The following PRIM2 variants were observed in gnomAD, a reference collection of about 807,000 sequenced individuals.
PRIM2 encodes the protein DNA primase subunit 2, also known as DNA primase large subunit.
In PRIM2, 39 loss-of-function variants were observed where a neutral mutation model predicts 67.3. That is an observed-to-expected ratio of 0.58 (90% CI 0.45 to 0.76). The LOEUF is 0.76. Among genes scored for constraint, PRIM2 ranks in the 30% least tolerant of loss-of-function variants. The pLI is 0.00. For missense variants in PRIM2, 398 were observed against 598.7 expected, an observed-to-expected ratio of 0.66 and a Z score of 3.50; for synonymous variants, 143 against 198.7, an observed-to-expected ratio of 0.72 and a Z score of 2.36.
intron 10 of PRIM2, among the ~76,000 whole-genome samples, chr6:57,564,150 C>CT (rs1775692490): frequency 6.6e-6 from 1 of 152,284 alleles, no homozygotes; most frequent in Middle Eastern, 3.4e-3. Context: ...TTCATGTCTC[C>CT]TTTTCCCTCT....
At chr6:57,278,496 C>T in the PRIM2 span, among the ~76,000 whole-genome samples, 1 of 152,152 alleles carries the variant, frequency 6.6e-6, no homozygotes, top group South Asian at 2.1e-4. Flanking sequence ...TTTTAAATAA[C>T]ACACTATTCT....
At chr6:57,293,546 T>G in the PRIM2 span, among the ~76,000 whole-genome samples, 1 of 152,222 alleles carries the variant, frequency 6.6e-6, no homozygotes, top group Non-Finnish European at 1.5e-5. Flanking sequence ...TGTATATTTA[T>G]TGTGGCACTA....
At chr6:57,353,066 A>G (rs1449597737) in intron 5 of PRIM2, among the ~76,000 whole-genome samples, 2 of 150,236 alleles carry the variant, frequency 1.3e-5, no homozygotes, top group Non-Finnish European at 2.9e-5. Context: ...TATGTGTCAT[A>G]TCCCTTCAAA....
intron 5 of PRIM2, among the ~76,000 whole-genome samples, chr6:57,339,982 T>A (rs1388113426): frequency 2.0e-5 from 3 of 151,162 alleles, no homozygotes; most frequent in African/African-American, 7.3e-5. Flanking sequence ...ATATCCAGAA[T>A]CTACAATGAA....
the PRIM2 span, among the ~76,000 whole-genome samples, chr6:57,230,108 C>T: frequency 6.6e-6 from 1 of 152,208 alleles, no homozygotes; most frequent in Admixed American, 6.5e-5. Flanking sequence ...AGCATAAATT[C>T]AGAAAACATG....
the PRIM2 span, among the ~76,000 whole-genome samples, chr6:57,228,202 A>AT: frequency 1.3e-5 from 2 of 152,160 alleles, no homozygotes; most frequent in African/African-American, 4.8e-5. Context: ...CTTAATGCTG[A>AT]TTTTTTCAGT....
chr6:57,520,793 T>C (rs1774598808), intron 8 of PRIM2, among the ~76,000 whole-genome samples: 1 of 152,144 alleles, frequency 6.6e-6, no homozygotes, highest in African/African-American at 2.4e-5. Flanking sequence ...TGGTTATAAC[T>C]TGGAATAAAT....
chr6:57,534,038 A>C (rs1774946482), intron 9 of PRIM2, among the ~76,000 whole-genome samples: 1 of 152,170 alleles, frequency 6.6e-6, no homozygotes. Flanking sequence ...TCACAACAGC[A>C]TGTCATTTGC....
chr6:57,550,960 C>G (rs1309181527), intron 10 of PRIM2, among the ~76,000 whole-genome samples: 4 of 152,136 alleles, frequency 2.6e-5, no homozygotes, highest in Non-Finnish European at 5.9e-5. Context: ...AAGTGTGGGG[C>G]AAGTATATTC....
chr6:57,501,239 T>C (rs1249789150), intron 7 of PRIM2, among the ~76,000 whole-genome samples: 3 of 152,238 alleles, frequency 2.0e-5, no homozygotes, highest in Non-Finnish European at 4.4e-5. Context: ...TGAAAAGATA[T>C]GACATCCAGA....
chr6:57,405,992 A>C (rs111859512), intron 7 of PRIM2, among the ~76,000 whole-genome samples: 2 of 152,222 alleles, frequency 1.3e-5, no homozygotes, highest in Non-Finnish European at 2.9e-5. Flanking sequence ...CAGTCATCAT[A>C]TGTGTGGTCA....
chr6:57,380,110 C>T (rs1182078920), intron 6 of PRIM2, 114 bp downstream of exon 6: 1 of 785,490 alleles, frequency 1.3e-6, no homozygotes, highest in Middle Eastern at 3.8e-4. Context: ...GCTACTCTGT[C>T]TCCTGCACAG....
At chr6:57,484,320 A>G (rs1283018393) in intron 7 of PRIM2, among the ~76,000 whole-genome samples, 1 of 152,210 alleles carries the variant, frequency 6.6e-6, no homozygotes, top group Admixed American at 6.5e-5. Flanking sequence ...AGAGTAAGTA[A>G]CAGAGATAGG....
At chr6:57,250,566 C>G in the PRIM2 span, among the ~76,000 whole-genome samples, 3 of 152,122 alleles carry the variant, frequency 2.0e-5, no homozygotes, top group Non-Finnish European at 2.9e-5. Context: ...AGGAAGACAA[C>G]TTTCTGAAAG....
In PRIM2 at chr6:57,382,227, T is replaced by C. The variant is rs577534617; in HGVS notation, c.693+59T>C. 5.8e-6 allele frequency: 9 copies of C among 1,548,500 alleles called. No individual in the cohort carries two copies. The African/African-American group carries it at 1.2e-4, about 21-fold the overall frequency. The stretch of plus-strand genomic sequence containing the variant: ...GTTCACACTTTCAGTTATATACCCC[T>C]GGTAGTTTTATTCTGTGTTTCTCTA... On this transcript the variant is annotated intron_variant, in intron 7 of 13. Coordinates refer to ENST00000615550, the MANE Select transcript of PRIM2 (RefSeq NM_000947.5).
In PRIM2 at chr6:57,387,252, G is replaced by A. The variant is rs528227756; in HGVS notation, c.693+5084G>A. ...TTAATTCAAATTTTTATCTGGTATA[G>A]CATGTGGCACATAGGGTTAGTGGTC... On this transcript the variant is annotated intron_variant, in intron 7 of 13. Transcript: ENST00000615550. Among the ~76,000 whole-genome samples, 8 of 152,254 alleles carry A rather than the reference G, an allele frequency of 5.3e-5. No individual in the cohort carries two copies. In the East Asian group the frequency reaches 1.5e-3, roughly 29 times the overall value.
chr6:57,377,666 G>T (rs1769813620), intron 5 of PRIM2, among the ~76,000 whole-genome samples: 1 of 151,798 alleles, frequency 6.6e-6, no homozygotes, highest in Admixed American at 6.6e-5. Context: ...AATTTCAGGG[G>T]TTTCTTCCTG....
chr6:57,257,285 T>G, the PRIM2 span, among the ~76,000 whole-genome samples: 22,085 of 146,758 alleles, frequency 0.15, 2,331 homozygotes, highest in East Asian at 0.51. Context: ...TTTTTTTTTT[T>G]TGTGAGATGG....
chr6:57,409,979 G>A, intron 7 of PRIM2, among the ~76,000 whole-genome samples: 1 of 152,008 alleles, frequency 6.6e-6, no homozygotes, highest in African/African-American at 2.4e-5. Flanking sequence ...TAGACATGTT[G>A]ATTTTTTTTT....
Sources: allele counts gnomAD v4.1 joint callset (sites outside exome capture counted in the v4.1 genomes callset), GRCh38; gene constraint gnomAD v4.1.1; transcripts MANE v1.5; gene names NCBI Gene and HGNC (gene_info 2026-07-23, HGNC 2026-07-21).